Variants in SAMD5 observed in about 807,000 individuals in gnomAD.
The protein encoded by SAMD5 is sterile alpha motif domain containing 5.
A neutral mutation model predicts 11.3 loss-of-function variants in SAMD5; 13 were observed. The observed-to-expected ratio is 1.15, with a 90% CI of 0.75 to 1.83. SAMD5 has a LOEUF of 1.83. SAMD5 is among the 40% of genes most tolerant of loss of function. The pLI, the probability that SAMD5 is intolerant of heterozygous loss-of-function variation, is 0.00. For missense variants in SAMD5, 255 were observed against 239.1 expected (o/e 1.07, Z -0.44); for synonymous variants, 129 against 111.3 (o/e 1.16, Z -1.00).
intron 1 of SAMD5, among the ~76,000 whole-genome samples, chr6:147,595,077 A>G (rs2128447537): frequency 6.6e-6 from 1 of 152,340 alleles, no homozygotes; most frequent in African/African-American, 2.4e-5. Context: ...AATAAGTTTC[A>G]TATACTATCT....
chr6:147,635,857 G>C (rs1790223062), intron 1 of SAMD5, among the ~76,000 whole-genome samples: 1 of 152,172 alleles, frequency 6.6e-6, no homozygotes, highest in East Asian at 1.9e-4. Flanking sequence ...CAACCTGAAG[G>C]TCACTCAAAT....
chr6:147,910,317 TG>T, the SAMD5 span, among the ~76,000 whole-genome samples: 43 of 152,062 alleles, frequency 2.8e-4, no homozygotes, highest in Non-Finnish European at 5.4e-4. Context: ...GGGGAGAAGA[TG>T]CTTCCTGACG....
chr6:147,561,083 A>G (rs1377285461), intron 1 of SAMD5, among the ~76,000 whole-genome samples: 3 of 152,268 alleles, frequency 2.0e-5, no homozygotes, highest in Non-Finnish European at 4.4e-5. Flanking sequence ...CACTTTAAAA[A>G]ACAACAATAA....
chr6:147,843,489 TA>T, the SAMD5 span, among the ~76,000 whole-genome samples: 1 of 152,154 alleles, frequency 6.6e-6, no homozygotes, highest in Non-Finnish European at 1.5e-5. Context: ...AATTTTTTTT[TA>T]AATCCAAAAA....
intron 1 of SAMD5, among the ~76,000 whole-genome samples, chr6:147,552,053 A>G (rs747896136): frequency 2.0e-5 from 3 of 152,004 alleles, no homozygotes; most frequent in Non-Finnish European, 4.4e-5. Flanking sequence ...ATGGGTCTGT[A>G]TTAGTTCCAG....
intron 1 of SAMD5, among the ~76,000 whole-genome samples, chr6:147,660,257 T>C (rs1790628799): frequency 6.6e-6 from 1 of 152,186 alleles, no homozygotes; most frequent in African/African-American, 2.4e-5. Context: ...TATTCTACCA[T>C]TTATTACATG....
intron 1 of SAMD5, among the ~76,000 whole-genome samples, chr6:147,604,752 C>T (rs1478407588): frequency 2.6e-5 from 4 of 152,174 alleles, no homozygotes; most frequent in African/African-American, 4.8e-5. Context: ...TTACCTACTA[C>T]GTAATTGCCT....
At chr6:147,735,367 T>G (rs1013806408) in intron 1 of SAMD5, among the ~76,000 whole-genome samples, 2 of 152,182 alleles carry the variant, frequency 1.3e-5, no homozygotes, top group Non-Finnish European at 2.9e-5. Context: ...AATGACTTTT[T>G]TGTGTGTGAA....
chr6:147,641,445 G>A (rs1790310764), intron 1 of SAMD5, among the ~76,000 whole-genome samples: 1 of 152,140 alleles, frequency 6.6e-6, no homozygotes, highest in Non-Finnish European at 1.5e-5. Flanking sequence ...CTGGTAAAGT[G>A]AAGTGCTCAG....
the SAMD5 span, among the ~76,000 whole-genome samples, chr6:147,934,295 A>G: frequency 1.3e-5 from 2 of 152,226 alleles, no homozygotes; most frequent in Admixed American, 1.3e-4. Flanking sequence ...CTTTATGTAA[A>G]GTACCAAATG....
chr6:147,883,827 T>G, the SAMD5 span, among the ~76,000 whole-genome samples: 1 of 152,210 alleles, frequency 6.6e-6, no homozygotes, highest in African/African-American at 2.4e-5. Context: ...CACTGAAATG[T>G]GGAAATGAGT....
rs562042530 is a variant in SAMD5 at position 147,522,664 on chromosome 6, A to G, written c.459+13277A>G. Among the ~76,000 whole-genome samples the G allele has an allele frequency of 3.3e-4, 50 of 152,354 alleles. 1 individual carries two copies. Among genetic ancestry groups the G allele is most frequent in the African/African-American group, 1.1e-3 (47 of 41,586 alleles). ...TTTTACACTATATATCTTTTCTTTC[A>G]TGAAAAATGTTTGACATTTACCTTC... On this transcript the variant is annotated intron_variant, in intron 1 of 1. Transcript: ENST00000367474.
At chr6:147,880,826 A>C in the SAMD5 span, among the ~76,000 whole-genome samples, 1 of 152,158 alleles carries the variant, frequency 6.6e-6, no homozygotes, top group African/African-American at 2.4e-5. Context: ...GATACAAATC[A>C]AAATTTTGGT....
chr6:147,816,280 CCAA>C, the SAMD5 span, among the ~76,000 whole-genome samples: 4 of 12,728 alleles, frequency 3.1e-4, 1 homozygote, highest in Non-Finnish European at 4.7e-4. Flanking sequence ...AACTCCGTCT[CCAA>C]AAAAAAAAAA....
the SAMD5 span, among the ~76,000 whole-genome samples, chr6:147,887,667 C>T: frequency 6.6e-6 from 1 of 152,068 alleles, no homozygotes; most frequent in South Asian, 2.1e-4. Flanking sequence ...TAGGCATATG[C>T]TTTCATTTCT....
the SAMD5 span, among the ~76,000 whole-genome samples, chr6:147,914,402 A>C: frequency 6.6e-6 from 1 of 152,150 alleles, no homozygotes; most frequent in Non-Finnish European, 1.5e-5. Flanking sequence ...GTTTGTTTTG[A>C]CCAGAGCTGG....
the SAMD5 span, among the ~76,000 whole-genome samples, chr6:147,905,521 A>G: frequency 6.6e-6 from 1 of 152,180 alleles, no homozygotes; most frequent in Non-Finnish European, 1.5e-5. Context: ...AATTTTAGAA[A>G]ATATGGATAG....
the SAMD5 span, among the ~76,000 whole-genome samples, chr6:147,952,384 A>G: frequency 2.3e-3 from 349 of 152,328 alleles, 1 homozygote; most frequent in African/African-American, 7.4e-3. Context: ...ATTAATGGTG[A>G]TGGATATCAA....
In SAMD5 at chr6:147,566,220, T is replaced by A; in HGVS notation, c.*1764T>A. 1 of 976,918 alleles carries A rather than the reference T, an allele frequency of 1.0e-6. No individual in the cohort carries two copies. The highest frequency in any genetic ancestry group is 1.2e-6 in the Non-Finnish European group (1 of 822,208). The allele number at this position is 976,918 out of a possible 1,614,324, so 60.5% of individuals were successfully genotyped here. ...GGAAGTTAAATTTTAAAAGCATGTATAGGTTGTCCTTAAATTATACAAAAG... is the reference window on the plus strand; with the variant it reads ...GGAAGTTAAATTTTAAAAGCATGTAAAGGTTGTCCTTAAATTATACAAAAG... On this transcript the variant is annotated 3_prime_UTR_variant, in exon 2 of 2. Coordinates refer to ENST00000367474, the MANE Select transcript of SAMD5 (RefSeq NM_001030060.3).
Sources: allele counts gnomAD v4.1 joint callset (sites outside exome capture counted in the v4.1 genomes callset), GRCh38; gene constraint gnomAD v4.1.1; transcripts MANE v1.5; gene names NCBI Gene and HGNC (gene_info 2026-07-23, HGNC 2026-07-21).